Variants in CDC42 observed in about 807,000 individuals in gnomAD.
CDC42 encodes cell division control protein 42 homolog.
Under a neutral mutation model 20.8 loss-of-function variants are expected in CDC42, and 1 was observed. That is an observed-to-expected ratio of 0.05 (90% CI 0.02 to 0.23). The LOEUF (loss-of-function observed/expected upper bound fraction) is 0.23. CDC42 is among the 10% of genes least tolerant of loss of function. The pLI is 1.00. For missense variants in CDC42, 49 were observed against 227.9 expected, an observed-to-expected ratio of 0.21 and a Z score of 5.05; for synonymous variants, 72 against 84.8, an observed-to-expected ratio of 0.85 and a Z score of 0.83.
At chr1:22,082,325 G>C (rs552330642) in intron 3 of CDC42, among the ~76,000 whole-genome samples, 4 of 152,080 alleles carry the variant, frequency 2.6e-5, no homozygotes, top group Non-Finnish European at 5.9e-5. Flanking sequence ...AGTTTCTTAC[G>C]ATAGATAGCT....
chr1:22,090,235 G>A (rs749375975), intron 5 of CDC42: 1 of 1,257,546 alleles, frequency 8.0e-7, no homozygotes, highest in Non-Finnish European at 1.0e-6. Context: ...AGTTGGACTT[G>A]TTTTAACGTT....
intron 2 of CDC42, 103 bp from the exon 3 acceptor site, chr1:22,081,619 G>A (rs17837974): frequency 9.8e-6 from 7 of 715,540 alleles, no homozygotes; most frequent in African/African-American, 8.8e-5. Flanking sequence ...ACTAGGGGAC[G>A]ATTAAGTCTT....
At chr1:22,066,783 G>C (rs1569981040) in intron 1 of CDC42, among the ~76,000 whole-genome samples, 1 of 152,104 alleles carries the variant, frequency 6.6e-6, no homozygotes, top group Non-Finnish European at 1.5e-5. Context: ...TCAAGGCATG[G>C]CCGGGTGCAG....
intron 1 of CDC42, 31 bp from the exon 2 acceptor site, chr1:22,078,398 A>G: frequency 9.2e-7 from 1 of 1,088,382 alleles, no homozygotes; most frequent in African/African-American, 1.6e-5. Flanking sequence ...ATGTAAGTAT[A>G]AATAAACAAA....
At chr1:22,080,570 T>A (rs1403361296) in intron 2 of CDC42, among the ~76,000 whole-genome samples, 1 of 151,894 alleles carries the variant, frequency 6.6e-6, no homozygotes, top group Admixed American at 6.6e-5. Flanking sequence ...AAAGCTTTGC[T>A]TTTCTTTTTA....
Position 22,093,760 on chromosome 1 carries a change from T to TG in CDC42, c.*2244dup, listed in dbSNP as rs1645737424. On this transcript the variant is annotated 3_prime_UTR_variant, in exon 6 of 6. Transcript: ENST00000656825. Reference sequence around the variant, plus strand: ...ACTAGGGAGAGATACCTGGATCATGTGATACCCTGGAAAGCAGGGACATAT... The same window carrying TG: ...ACTAGGGAGAGATACCTGGATCATGTGGATACCCTGGAAAGCAGGGACATAT... Among the ~76,000 whole-genome samples, 2 of 152,346 alleles carry TG rather than the reference T, an allele frequency of 1.3e-5. No homozygotes were observed. The highest frequency in any genetic ancestry group is 4.1e-4 in the South Asian group (2 of 4,824).
In CDC42 at chr1:22,071,046, C is replaced by CTTTTT. The variant is rs10684040; in HGVS notation, c.-50-7372_-50-7368dup. On this transcript the variant is annotated intron_variant, in intron 1 of 5. Transcript: ENST00000656825. The stretch of plus-strand genomic sequence containing the variant: ...AACAAGCATTTCTTTTTTTTTCTTT[C>CTTTTT]TTTTTTTTTTTTTTTGAGATGGAGT... Among the ~76,000 whole-genome samples, 46 of 125,288 alleles carry CTTTTT rather than the reference C, an allele frequency of 3.7e-4. 3 individuals are homozygous for CTTTTT. Among genetic ancestry groups the CTTTTT allele is most frequent in the African/African-American group, 7.6e-4 (25 of 32,918 alleles). 82.2% of individuals were successfully genotyped at this position (125,288 alleles called of 152,430 possible).
intron 2 of CDC42, among the ~76,000 whole-genome samples, chr1:22,079,139 CTTT>C (rs10609742): frequency 8.6e-5 from 10 of 116,730 alleles, no homozygotes; most frequent in Non-Finnish European, 8.5e-5. Flanking sequence ...TTCTTTTTTT[CTTT>C]TTTTTTTTTT....
At chr1:22,071,113 G>T (rs1170912802) in intron 1 of CDC42, among the ~76,000 whole-genome samples, 2 of 133,626 alleles carry the variant, frequency 1.5e-5, no homozygotes, top group Non-Finnish European at 3.0e-5. Context: ...GCGCGGTCTC[G>T]GCTCACTGCA....
intron 1 of CDC42, among the ~76,000 whole-genome samples, chr1:22,067,338 C>CT (rs1645435718): frequency 6.6e-6 from 1 of 151,822 alleles, no homozygotes; most frequent in South Asian, 2.1e-4. Flanking sequence ...TCTTCTTTTT[C>CT]TTTTTTTGAC....
Position 22,096,006 on chromosome 1 carries a change from C to G in CDC42, c.*4489C>G, listed in dbSNP as rs1028664188. Among the ~76,000 whole-genome samples the G allele has an allele frequency of 6.6e-6, 1 of 152,082 alleles. No individual in the cohort carries two copies. Among genetic ancestry groups the G allele is most frequent in the African/African-American group, 2.4e-5 (1 of 41,382 alleles). On this transcript the variant is annotated 3_prime_UTR_variant, in exon 6 of 6. Coordinates refer to ENST00000656825, the MANE Select transcript of CDC42 (RefSeq NM_001791.4). ...ACGGGGTCTTGCACTGTTGCCCGGG[C>G]TGGAGTGCAGTGGTGGCATCTCCGC...
intron 5 of CDC42, chr1:22,090,100 C>A (rs1362356691): frequency 2.6e-5 from 41 of 1,571,910 alleles, no homozygotes; most frequent in Non-Finnish European, 3.5e-5. Flanking sequence ...CGTTTAAAAA[C>A]AAAGGAATAA....
rs747002932 is a variant in CDC42, at chr1:22,094,294, AT to A, written c.*2798del. ...GTTTTACTGAACATCCTAGAAATAG[AT>A]TTTTTTTTTTTTTTTTTTTTGAGAC... On this transcript the variant is annotated 3_prime_UTR_variant, in exon 6 of 6. Transcript: ENST00000656825. Among the ~76,000 whole-genome samples, 64 of 38,302 alleles carry A rather than the reference AT, an allele frequency of 1.7e-3. 1 individual carries two copies. The highest frequency in any genetic ancestry group is 4.0e-3 in the African/African-American group (33 of 8,200). The allele number at this position is 38,302 out of a possible 152,430, so 25.1% of individuals were successfully genotyped here.
rs1193036578 is a variant in CDC42, at chr1:22,100,968, G to A, written c.*9451G>A. The A allele has an allele frequency of 1.3e-5, 2 of 152,270 alleles. No individual in the cohort carries two copies. The highest frequency in any genetic ancestry group is 3.9e-4 in the East Asian group (2 of 5,192). 9.4% of individuals were successfully genotyped at this position (152,270 alleles called of 1,614,324 possible). On this transcript the variant is annotated 3_prime_UTR_variant, in exon 6 of 6. Coordinates refer to ENST00000656825, the MANE Select transcript of CDC42 (RefSeq NM_001791.4). The stretch of plus-strand genomic sequence containing the variant: ...TCCATAACTTGAGGATTTCACAATT[G>A]TATTGGAATTATTGGTGTTAAGGAG...
intron 1 of CDC42, among the ~76,000 whole-genome samples, chr1:22,062,721 G>A (rs560610273): frequency 9.2e-6 from 1 of 109,218 alleles, no homozygotes; most frequent in South Asian, 3.5e-4. Context: ...GTGAGACCGT[G>A]GCTCTATTTA....
At chr1:22,089,905 C>A in intron 5 of CDC42, 1 of 1,605,582 alleles carries the variant, frequency 6.2e-7, no homozygotes, top group Non-Finnish European at 8.5e-7. Context: ...AATCCTCTAA[C>A]CTGGCTGCTA....
chr1:22,067,774 C>G (rs903469728), intron 1 of CDC42, among the ~76,000 whole-genome samples: 1 of 152,186 alleles, frequency 6.6e-6, no homozygotes, highest in Non-Finnish European at 1.5e-5. Context: ...AATCACCTCC[C>G]AGCAGTCTCA....
rs924474452 is a variant in CDC42 at position 22,097,612 on chromosome 1, C to A, written c.*6095C>A. On this transcript the variant is annotated 3_prime_UTR_variant, in exon 6 of 6. Coordinates refer to ENST00000656825, the MANE Select transcript of CDC42 (RefSeq NM_001791.4). ...TTCTTGCGGCTCTACCTAAGTTTCT[C>A]CTAGAATCTCCCTGCACTTCTTGTT... Among the ~76,000 whole-genome samples, 4 of 152,222 alleles carry A rather than the reference C, an allele frequency of 2.6e-5. No homozygotes were observed. Among genetic ancestry groups the A allele is most frequent in the Admixed American group, 6.5e-5 (1 of 15,288 alleles).
chr1:22,092,800 T>C lies in CDC42; in HGVS notation c.*1283T>C, dbSNP rs1645730657. Reference sequence around the variant, plus strand: ...AGCTTATTTTGGTTGCAGTTTCCAATTTTTAAAAATGTTGAGGTAATCTTT... The same window carrying C: ...AGCTTATTTTGGTTGCAGTTTCCAACTTTTAAAAATGTTGAGGTAATCTTT... On this transcript the variant is annotated 3_prime_UTR_variant, in exon 6 of 6. Coordinates refer to ENST00000656825, the MANE Select transcript of CDC42 (RefSeq NM_001791.4). The C allele has an allele frequency of 6.6e-6, 1 of 152,670 alleles. No homozygotes were observed. Among genetic ancestry groups the C allele is most frequent in the Non-Finnish European group, 1.5e-5 (1 of 68,036 alleles). 9.5% of individuals were successfully genotyped at this position (152,670 alleles called of 1,614,324 possible).
Sources: gnomAD v4.1 joint callset for allele counts (sites outside exome capture counted in the v4.1 genomes callset) on GRCh38, gnomAD v4.1.1 for gene constraint, MANE v1.5 for transcripts, NCBI Gene and HGNC (gene_info 2026-07-23, HGNC 2026-07-21) for gene names.